ATE1: variants seen among roughly 807,000 people sequenced by gnomAD.
The protein encoded by ATE1 is arginyl-tRNA--protein transferase 1.
A neutral mutation model predicts 70.5 loss-of-function variants in ATE1; 36 were observed. The ratio of observed to expected loss-of-function variants is 0.51; its 90% CI spans 0.39 to 0.67. The LOEUF is 0.67. ATE1 is among the 30% of genes least tolerant of loss of function. The pLI, the probability that ATE1 is intolerant of heterozygous loss-of-function variation, is 0.00. For synonymous variants in ATE1, 232 were observed against 219.3 expected, an observed-to-expected ratio of 1.06 and a Z score of -0.51; for missense variants, 593 against 629.5, an observed-to-expected ratio of 0.94 and a Z score of 0.62.
intron 11 of ATE1, among the ~76,000 whole-genome samples, chr10:121,768,563 C>T (rs1172609208): frequency 6.6e-6 from 1 of 152,108 alleles, no homozygotes; most frequent in Non-Finnish European, 1.5e-5. Flanking sequence ...CCTGCTGTAG[C>T]CCTAAGACCA....
intron 11 of ATE1, among the ~76,000 whole-genome samples, chr10:121,761,226 G>A (rs1290847223): frequency 6.6e-6 from 1 of 152,232 alleles, no homozygotes; most frequent in African/African-American, 2.4e-5. Context: ...TGCACACCCT[G>A]CAGAACCCTG....
rs79455752 is a variant in ATE1, at chr10:121,913,587, C to T, written c.337+203G>A. On this transcript the variant is annotated intron_variant, in intron 4 of 11. Coordinates refer to ENST00000224652, the MANE Select transcript of ATE1 (RefSeq NM_001001976.3). ...AACATGATCCTCAATATTCTTTCCACGCTAAACTCTTCTGATATATATTCC... is the reference window on the plus strand; with the variant it reads ...AACATGATCCTCAATATTCTTTCCATGCTAAACTCTTCTGATATATATTCC... 8.6e-3 allele frequency among the ~76,000 whole-genome samples: 1,130 copies of T among 131,628 alleles called. 21 individuals are homozygous for T. The highest frequency in any genetic ancestry group is 0.028 in the African/African-American group (1,081 of 38,050). 86.4% of individuals were successfully genotyped at this position (131,628 alleles called of 152,430 possible).
chr10:121,802,314 C>CTT (rs11354853), intron 10 of ATE1, among the ~76,000 whole-genome samples: 188 of 146,426 alleles, frequency 1.3e-3, no homozygotes, highest in Admixed American at 3.2e-3. Flanking sequence ...GTCTACTCCA[C>CTT]TTTTTTTTTT....
chr10:121,924,699 C>CAAAA (rs374852378), intron 1 of ATE1, among the ~76,000 whole-genome samples: 1 of 86,444 alleles, frequency 1.2e-5, no homozygotes, highest in Non-Finnish European at 2.3e-5. Context: ...GACTCCATCT[C>CAAAA]AAAAAAAAAA....
intron 10 of ATE1, among the ~76,000 whole-genome samples, chr10:121,836,461 A>G (rs898030582): frequency 3.3e-5 from 5 of 152,210 alleles, no homozygotes; most frequent in Admixed American, 1.3e-4. Context: ...GAGTTTCATT[A>G]ACGAGAGTCA....
intron 7 of ATE1, among the ~76,000 whole-genome samples, chr10:121,886,641 T>C (rs574411875): frequency 1.3e-5 from 2 of 152,364 alleles, no homozygotes; most frequent in South Asian, 4.1e-4. Flanking sequence ...AGCTCACATT[T>C]ATTTCAATGT....
At chr10:121,822,170 T>C (rs889321834) in intron 10 of ATE1, among the ~76,000 whole-genome samples, 1 of 152,096 alleles carries the variant, frequency 6.6e-6, no homozygotes, top group East Asian at 1.9e-4. Flanking sequence ...GTGTAAAAAA[T>C]GTGGTATATT....
intron 3 of ATE1, among the ~76,000 whole-genome samples, chr10:121,920,169 C>T (rs11200260): frequency 0.13 from 20,095 of 151,786 alleles, 1,528 homozygotes; most frequent in East Asian, 0.19. Context: ...AAAATGTTAA[C>T]GCACTTTTCA....
At chr10:121,779,580 A>G (rs1448835640) in intron 11 of ATE1, among the ~76,000 whole-genome samples, 1 of 152,134 alleles carries the variant, frequency 6.6e-6, no homozygotes, top group Non-Finnish European at 1.5e-5. Flanking sequence ...GATCTTTCTC[A>G]TGCTACATTC....
chr10:121,759,516 G>A (rs764527665), intron 11 of ATE1, among the ~76,000 whole-genome samples: 1 of 152,164 alleles, frequency 6.6e-6, no homozygotes, highest in East Asian at 1.9e-4. Context: ...AAGGTCAGGA[G>A]ATTGAGACCA....
At chr10:121,776,928 A>C (rs1945770261) in intron 11 of ATE1, among the ~76,000 whole-genome samples, 1 of 152,236 alleles carries the variant, frequency 6.6e-6, no homozygotes, top group African/African-American at 2.4e-5. Flanking sequence ...AGTGTGGTGA[A>C]ATTGAGCACA....
At chr10:121,775,616 T>A (rs1005793419) in intron 11 of ATE1, among the ~76,000 whole-genome samples, 5 of 152,228 alleles carry the variant, frequency 3.3e-5, no homozygotes, top group African/African-American at 1.2e-4. Context: ...AACTAATATG[T>A]GTGTATACAT....
intron 11 of ATE1, among the ~76,000 whole-genome samples, chr10:121,745,446 G>GA (rs1944312327): frequency 5.3e-5 from 8 of 152,228 alleles, no homozygotes; most frequent in Non-Finnish European, 1.2e-4. Context: ...GCGGGGTGCA[G>GA]TGGCTCACGC....
chr10:121,910,841 G>T (rs560686508), intron 5 of ATE1, 65 bp downstream of exon 5: 3 of 1,605,484 alleles, frequency 1.9e-6, no homozygotes, highest in East Asian at 4.5e-5. Flanking sequence ...AAAGACCCAG[G>T]GTTTAAAATG....
At chr10:121,840,809 GTTTAT>G (rs1271124394) in intron 9 of ATE1, among the ~76,000 whole-genome samples, 3 of 150,072 alleles carry the variant, frequency 2.0e-5, no homozygotes, top group Non-Finnish European at 4.4e-5. Context: ...GTTAAATGAT[GTTTAT>G]TTTAAAATTC....
chr10:121,757,332 C>T (rs976541125), intron 11 of ATE1, among the ~76,000 whole-genome samples: 1 of 152,152 alleles, frequency 6.6e-6, no homozygotes, highest in African/African-American at 2.4e-5. Flanking sequence ...CAAACTTTCC[C>T]ACATTTTCCT....
intron 8 of ATE1, among the ~76,000 whole-genome samples, chr10:121,845,345 G>A (rs924959413): frequency 6.6e-6 from 1 of 152,116 alleles, no homozygotes; most frequent in African/African-American, 2.4e-5. Context: ...AGCAATAACA[G>A]ATCAGTAAAA....
Position 121,841,156 on chromosome 10 carries a change from G to A in ATE1, c.1083C>T (p.Asn361=). ...AGTACAAATACACAGATGATACACA[G>A]TTTGGGAGGATGTCAATCACCCCCA... ...IAVGVIDILP[N]CVSSVYLYYD... is the part of the protein sequence containing the mutation. The change falls in exon 9 of 12, where the codon AAC becomes AAT. Residue 361 remains asparagine, a synonymous_variant. Coordinates refer to ENST00000224652, the MANE Select transcript of ATE1 (RefSeq NM_001001976.3). 6.2e-7 allele frequency: 1 copy of A among 1,601,092 alleles called. No homozygotes were observed. Among genetic ancestry groups the A allele is most frequent in the South Asian group, 1.1e-5 (1 of 89,092 alleles).
intron 7 of ATE1, among the ~76,000 whole-genome samples, chr10:121,877,323 C>T (rs1203124777): frequency 6.6e-6 from 1 of 152,100 alleles, no homozygotes; most frequent in African/African-American, 2.4e-5. Flanking sequence ...AAAGTAAACA[C>T]TAAGGCCGAA....
Sources: allele counts gnomAD v4.1 joint callset (sites outside exome capture counted in the v4.1 genomes callset), GRCh38; gene constraint gnomAD v4.1.1; transcripts MANE v1.5; gene names NCBI Gene and HGNC (gene_info 2026-07-23, HGNC 2026-07-21).